The following AEBP2 variants were observed in gnomAD, a reference collection of about 807,000 sequenced individuals.
AEBP2 encodes the protein zinc finger protein AEBP2.
Under a neutral mutation model 50.8 loss-of-function variants are expected in AEBP2, and 10 were observed. The ratio of observed to expected loss-of-function variants is 0.20; its 90% CI spans 0.12 to 0.33. AEBP2 has a LOEUF of 0.33. AEBP2 is among the 10% of genes least tolerant of loss of function. The pLI, the probability that AEBP2 is intolerant of heterozygous loss-of-function variation, is 1.00. For synonymous variants in AEBP2, 296 were observed against 261.3 expected (o/e 1.13, Z -1.28); for missense variants, 570 against 688.0 (o/e 0.83, Z 1.92).
intron 5 of AEBP2, among the ~76,000 whole-genome samples, chr12:19,504,059 G>T (rs1272346173): frequency 6.6e-6 from 1 of 151,922 alleles, no homozygotes; most frequent in African/African-American, 2.4e-5. Flanking sequence ...TCTTGTTTAT[G>T]GACTAAATTT....
intron 1 of AEBP2, among the ~76,000 whole-genome samples, chr12:19,423,085 A>AAAAAAAAAAAAAAAC (rs2095746688): frequency 6.7e-6 from 1 of 150,010 alleles, no homozygotes; most frequent in Non-Finnish European, 1.5e-5. Flanking sequence ...AAAAAAAAAA[A>AAAAAAAAAAAAAAAC]AAAAAAAAAG....
At position 19,421,249 on chromosome 12, in the gene AEBP2, C is replaced by G. The variant is rs1310003552; in HGVS notation, c.-17+17033C>G. ...ATCCCTGCTACTCAGGATGCTGAGC[C>G]AGAAGAATTGCTTGAACCCAGGAAG... On this transcript the variant is annotated intron_variant, in intron 1 of 3. Transcript: ENST00000538425. Among the ~76,000 whole-genome samples, 3 of 144,594 alleles carry G rather than the reference C, an allele frequency of 2.1e-5. No homozygotes were observed. The Admixed American group carries it at 2.2e-4, about 11-fold the overall frequency. The allele number at this position is 144,594 out of a possible 152,430, so 94.9% of individuals were successfully genotyped here. A position where few individuals can be genotyped will look rare whatever the true frequency, so the allele number is the denominator to read the frequency against.
chr12:19,504,385 C>CA (rs1452552731), intron 5 of AEBP2, among the ~76,000 whole-genome samples: 10 of 151,438 alleles, frequency 6.6e-5, no homozygotes, highest in African/African-American at 2.4e-4. Flanking sequence ...CAGGCGCCCC[C>CA]CCCACCACGC....
intron 1 of AEBP2, among the ~76,000 whole-genome samples, chr12:19,455,669 C>T (rs1948256992): frequency 6.6e-6 from 1 of 152,134 alleles, no homozygotes; most frequent in South Asian, 2.1e-4. Flanking sequence ...CAAAGGAAAC[C>T]ATTTTTATAA....
chr12:19,500,565 A>T (rs569555683), intron 5 of AEBP2, among the ~76,000 whole-genome samples: 2 of 152,286 alleles, frequency 1.3e-5, no homozygotes, highest in Admixed American at 6.5e-5. Flanking sequence ...AAATTAGAAC[A>T]TGAGACTCCT....
chr12:19,462,083 A>T lies in AEBP2; in HGVS notation c.672-427A>T, dbSNP rs952134631. On this transcript the variant is annotated intron_variant, in intron 1 of 7. Coordinates refer to ENST00000266508, the MANE Select transcript of AEBP2 (RefSeq NM_153207.5). ...CAGATTAATGAATAGAAGAGATTTCAGGTCAACAAGTGATTTGCAGAGCTA... is the reference window on the plus strand; with the variant it reads ...CAGATTAATGAATAGAAGAGATTTCTGGTCAACAAGTGATTTGCAGAGCTA... Among the ~76,000 whole-genome samples, 7 of 152,200 alleles carry T rather than the reference A, an allele frequency of 4.6e-5. No homozygotes were observed. The East Asian group carries it at 1.3e-3, about 29-fold the overall frequency.
In AEBP2 at chr12:19,430,615, A is replaced by G. The variant is rs180966183; in HGVS notation, c.-17+26399A>G. 2.8e-3 allele frequency among the ~76,000 whole-genome samples: 422 copies of G among 152,210 alleles called. 2 individuals are homozygous for G. The highest frequency in any genetic ancestry group is 4.3e-3 in the Non-Finnish European group (294 of 68,020). On this transcript the variant is annotated intron_variant, in intron 1 of 3. Transcript: ENST00000538425. Reference sequence around the variant, plus strand: ...TGATTCTTCCTACCCATGAGCATGGAATGTCCTTCCATTTGTTTGTATCCT... The same window carrying G: ...TGATTCTTCCTACCCATGAGCATGGGATGTCCTTCCATTTGTTTGTATCCT...
At chr12:19,509,253 G>A (rs10841250) in intron 5 of AEBP2, 248,934 of 302,930 alleles carry the variant, frequency 0.82, 102,765 homozygotes, top group African/African-American at 0.88. Context: ...CAGCTAAATT[G>A]AAAAATGCAA....
In AEBP2 at chr12:19,494,533, G is replaced by A. The variant is rs555163812; in HGVS notation, c.1174+547G>A. The stretch of plus-strand genomic sequence containing the variant: ...TTTTTTTTTTTTGAGATGGAGTCTC[G>A]CTCTGTCAGCCAGGCCGGAGTGCAA... On this transcript the variant is annotated intron_variant, in intron 4 of 7. Transcript: ENST00000266508. Among the ~76,000 whole-genome samples the A allele has an allele frequency of 1.9e-4, 25 of 130,424 alleles. 1 individual carries two copies. The highest frequency in any genetic ancestry group is 6.7e-4 in the East Asian group (3 of 4,500). 85.6% of individuals were successfully genotyped at this position (130,424 alleles called of 152,430 possible).
chr12:19,454,641 A>G (rs1948233303), intron 1 of AEBP2, among the ~76,000 whole-genome samples: 1 of 152,154 alleles, frequency 6.6e-6, no homozygotes. Context: ...TATACTCTAA[A>G]TCCTTCAAGT....
chr12:19,439,073 G>T (rs1291568330), upstream of AEBP2, among the ~76,000 whole-genome samples: 1 of 152,174 alleles, frequency 6.6e-6, no homozygotes, highest in Non-Finnish European at 1.5e-5. Context: ...AACATAGGGT[G>T]TATTAAAACC....
At chr12:19,427,907 T>G (rs2095749422) in intron 1 of AEBP2, among the ~76,000 whole-genome samples, 1 of 151,560 alleles carries the variant, frequency 6.6e-6, no homozygotes, top group African/African-American at 2.4e-5. Context: ...TAATTAGGAT[T>G]TTTTTTTTCT....
In AEBP2 at chr12:19,424,201, A is replaced by G. The variant is rs114694507; in HGVS notation, c.-17+19985A>G. ...AATGAGTGTGGTATCAGAGAAATCA[A>G]GAGAAGAGTGGCAAGGAAGGAAAAG... On this transcript the variant is annotated intron_variant, in intron 1 of 3. Transcript: ENST00000538425. 8.0e-3 allele frequency among the ~76,000 whole-genome samples: 1,224 copies of G among 152,266 alleles called. 17 individuals are homozygous for G. Among genetic ancestry groups the G allele is most frequent in the African/African-American group, 0.028 (1,150 of 41,554 alleles).
intron 1 of AEBP2, chr12:19,457,465 T>C: frequency 6.6e-7 from 1 of 1,514,012 alleles, no homozygotes; most frequent in African/African-American, 1.4e-5. Flanking sequence ...GCTTTCAGTT[T>C]ATCCAAGACC....
chr12:19,412,947 G>A (rs975685594), intron 1 of AEBP2, among the ~76,000 whole-genome samples: 3 of 152,164 alleles, frequency 2.0e-5, no homozygotes, highest in Non-Finnish European at 4.4e-5. Flanking sequence ...CGCTTTCCCC[G>A]TCACGAGGGG....
upstream of AEBP2, among the ~76,000 whole-genome samples, chr12:19,437,452 C>A (rs1011232181): frequency 6.6e-6 from 1 of 152,090 alleles, no homozygotes; most frequent in Non-Finnish European, 1.5e-5. Flanking sequence ...TGGCTCACTG[C>A]AGCCTCAACC....
chr12:19,492,237 T>C (rs540019517), intron 3 of AEBP2, among the ~76,000 whole-genome samples: 2 of 152,366 alleles, frequency 1.3e-5, no homozygotes, highest in African/African-American at 4.8e-5. Context: ...CTGTTTTGTT[T>C]TGTTTTAATT....
At position 19,440,816 on chromosome 12, in the gene AEBP2, C is replaced by G. The variant is rs551477416; in HGVS notation, c.671+446C>G. ...TATGGCTGGTCTCGCCTGGATTTAA[C>G]AGAACTTCCTTGTCCATGGGAGAGA... On this transcript the variant is annotated intron_variant, in intron 1 of 7. Transcript: ENST00000266508. 4.5e-4 allele frequency: 673 copies of G among 1,491,178 alleles called. 5 individuals are homozygous for G. In the African/African-American group the frequency reaches 8.3e-3, roughly 18 times the overall value. 92.4% of individuals were successfully genotyped at this position (1,491,178 alleles called of 1,614,324 possible). A position where few individuals can be genotyped will look rare whatever the true frequency, so the allele number is the denominator to read the frequency against.
intron 1 of AEBP2, among the ~76,000 whole-genome samples, chr12:19,441,827 C>G (rs867734421): frequency 1.5e-4 from 23 of 152,182 alleles, no homozygotes; most frequent in Middle Eastern, 3.4e-3. Flanking sequence ...CCTCTGATAC[C>G]ATTACATATC....
Sources: allele counts gnomAD v4.1 joint callset (sites outside exome capture counted in the v4.1 genomes callset), GRCh38; gene constraint gnomAD v4.1.1; transcripts MANE v1.5; gene names NCBI Gene and HGNC (gene_info 2026-07-23, HGNC 2026-07-21).